The following CACNA1C variants were observed in gnomAD, a reference collection of about 807,000 sequenced individuals.
The protein encoded by CACNA1C is calcium voltage-gated channel subunit alpha1 C, also known as voltage-dependent L-type calcium channel subunit alpha-1C.
A neutral mutation model predicts 229.0 loss-of-function variants in CACNA1C; 30 were observed. The observed-to-expected ratio is 0.13, with a 90% CI of 0.10 to 0.18. The LOEUF (loss-of-function observed/expected upper bound fraction) is 0.18. Ranked by LOEUF, CACNA1C falls within the 10% of genes least tolerant of loss-of-function variation. The pLI is 1.00. For synonymous variants in CACNA1C, 1,114 were observed against 1,132.5 expected (o/e 0.98, Z 0.33); for missense variants, 1,658 against 2,845.0 (o/e 0.58, Z 9.49).
chr12:2,132,163 A>G (rs2092380606), intron 3 of CACNA1C, among the ~76,000 whole-genome samples: 1 of 144,542 alleles, frequency 6.9e-6, no homozygotes, highest in Admixed American at 7.0e-5. Flanking sequence ...TTGTATCCTG[A>G]GACTTTGCTG....
chr12:2,444,826 C>T (rs1163000632), intron 3 of CACNA1C, among the ~76,000 whole-genome samples: 3 of 152,164 alleles, frequency 2.0e-5, no homozygotes, highest in Non-Finnish European at 4.4e-5. Flanking sequence ...ACCTACATCT[C>T]ACCAATCCCA....
At chr12:2,220,983 A>T (rs1315140537) in intron 3 of CACNA1C, 2 of 152,250 alleles carry the variant, frequency 1.3e-5, no homozygotes, top group Non-Finnish European at 2.9e-5. Flanking sequence ...GTTTTGTGGT[A>T]ACATGACTGT....
At chr12:2,664,611 G>C (rs923086509) in intron 34 of CACNA1C, among the ~76,000 whole-genome samples, 1 of 152,176 alleles carries the variant, frequency 6.6e-6, no homozygotes, top group African/African-American at 2.4e-5. Context: ...TTCGGAAAAG[G>C]TGCAATTTGT....
chr12:2,580,880 T>C (rs960845317), intron 13 of CACNA1C, among the ~76,000 whole-genome samples: 1 of 152,230 alleles, frequency 6.6e-6, no homozygotes, highest in African/African-American at 2.4e-5. Flanking sequence ...ATCAGAATCC[T>C]GTAGGATGCT....
rs2154506068 is a variant in CACNA1C at position 2,054,690 on chromosome 12, C to T, written c.49+1079C>T. On this transcript the variant is annotated intron_variant, in intron 1 of 46. Transcript: ENST00000399655. This position sits in a 1 kb window ranked among gnomAD's most constrained non-coding sequence, Gnocchi z 5.5. ...GCTTTCTGGCAACCTCCAGGCATGACATCTCTTTCTTCTCGCCACTGCTCT... is the reference window on the plus strand; with the variant it reads ...GCTTTCTGGCAACCTCCAGGCATGATATCTCTTTCTTCTCGCCACTGCTCT... Among the ~76,000 whole-genome samples the T allele has an allele frequency of 6.6e-6, 1 of 152,312 alleles. No individual in the cohort carries two copies. Among genetic ancestry groups the T allele is most frequent in the South Asian group, 2.1e-4 (1 of 4,828 alleles).
At chr12:2,050,244 G>A (rs58799646), upstream of CACNA1C, among the ~76,000 whole-genome samples, 9 of 152,312 alleles carry the variant, frequency 5.9e-5, 1 homozygote, top group Middle Eastern at 0.024. Flanking sequence ...TAGAGACTGA[G>A]TTTGGTGTCA....
Position 2,593,265 on chromosome 12 carries a change from A to G in CACNA1C, c.2583A>G (p.Pro861=), listed in dbSNP as rs1310294864. 1 of 1,613,504 alleles carries G rather than the reference A, an allele frequency of 6.2e-7. No individual in the cohort carries two copies. The highest frequency in any genetic ancestry group is 1.7e-5 in the Admixed American group (1 of 59,962). Residue 861 remains proline (P), a synonymous_variant, in exon 19 of 47, where the codon CCA becomes CCG. Coordinates refer to ENST00000399655, the MANE Select transcript of CACNA1C (RefSeq NM_000719.7). ...PEMPVGPRPR[P]LSELHLKEKA... is the part of the protein sequence containing the mutation. The stretch of plus-strand genomic sequence containing the variant: ...TGCCTGTCGGCCCTCGCCCACGACC[A>G]CTCTCTGAGCTTCACCTTAAGGAAA...
At chr12:2,619,914 T>C (rs528257178) in intron 29 of CACNA1C, among the ~76,000 whole-genome samples, 14 of 152,242 alleles carry the variant, frequency 9.2e-5, no homozygotes, top group African/African-American at 3.4e-4. Context: ...TTGAGACTTG[T>C]AGCATCCCCA....
At chr12:2,236,294 A>T (rs965985292) in intron 3 of CACNA1C, among the ~76,000 whole-genome samples, 4 of 152,206 alleles carry the variant, frequency 2.6e-5, no homozygotes, top group Non-Finnish European at 5.9e-5. Context: ...AGGTAATGTC[A>T]GTGTGACTGA....
At chr12:2,140,500 G>A (rs1014531368) in intron 3 of CACNA1C, among the ~76,000 whole-genome samples, 1 of 151,366 alleles carries the variant, frequency 6.6e-6, no homozygotes, top group Non-Finnish European at 1.5e-5. Context: ...CCAGATGAGA[G>A]GCTAGGAGGC....
intron 3 of CACNA1C, among the ~76,000 whole-genome samples, chr12:2,157,450 G>A (rs1263321052): frequency 1.3e-5 from 2 of 152,224 alleles, no homozygotes; most frequent in African/African-American, 2.4e-5. Flanking sequence ...CAGCACGCCC[G>A]GGGCGAATAC....
intron 9 of CACNA1C, among the ~76,000 whole-genome samples, chr12:2,542,368 A>G (rs1034156190): frequency 1.3e-5 from 2 of 152,230 alleles, no homozygotes; most frequent in Non-Finnish European, 2.9e-5. Context: ...TCAGCAATAC[A>G]GGGAACTGTC....
At chr12:2,079,105 T>A (rs4765887) in intron 1 of CACNA1C, among the ~76,000 whole-genome samples, 108,347 of 140,078 alleles carry the variant, frequency 0.77, 41,674 homozygotes, top group Middle Eastern at 0.86. Context: ...CAAGAAGGGG[T>A]ACATCACACA....
At chr12:2,021,439 G>C (rs530508008) in intron 1 of CACNA1C, among the ~76,000 whole-genome samples, 2 of 152,246 alleles carry the variant, frequency 1.3e-5, no homozygotes, top group South Asian at 4.2e-4. Flanking sequence ...AGCACTTTGG[G>C]GGGCTGAGGT....
chr12:2,691,371 A>C lies in CACNA1C; in HGVS notation c.*172A>C. 3.0e-6 allele frequency: 2 copies of C among 669,560 alleles called. No homozygotes were observed. The highest frequency in any genetic ancestry group is 4.3e-6 in the Non-Finnish European group (2 of 463,874). 41.5% of individuals were successfully genotyped at this position (669,560 alleles called of 1,614,324 possible). On this transcript the variant is annotated 3_prime_UTR_variant, in exon 47 of 47. Transcript: ENST00000399655. Reference sequence around the variant, plus strand: ...GTGCGCGAGCCGCCCTCCGGGAGGAAGGCGCCCGGCTGCGTCTGCAGAGGC... The same window carrying C: ...GTGCGCGAGCCGCCCTCCGGGAGGACGGCGCCCGGCTGCGTCTGCAGAGGC...
intron 1 of CACNA1C, among the ~76,000 whole-genome samples, chr12:2,031,718 G>T (rs1237772881): frequency 6.6e-6 from 1 of 152,096 alleles, no homozygotes; most frequent in East Asian, 1.9e-4. Context: ...CAAATTCATG[G>T]TTGGATTTTA....
At chr12:2,194,835 C>G (rs1220450740) in intron 3 of CACNA1C, among the ~76,000 whole-genome samples, 1 of 152,176 alleles carries the variant, frequency 6.6e-6, no homozygotes, top group Non-Finnish European at 1.5e-5. Context: ...TTCCCCAGGA[C>G]TTACCCTGCA....
chr12:2,675,854 G>A (rs150704110), intron 39 of CACNA1C: 2 of 152,188 alleles, frequency 1.3e-5, no homozygotes, highest in African/African-American at 4.8e-5. Flanking sequence ...CTTAATGCTA[G>A]TGGCACCCCC....
At chr12:2,227,188 C>T (rs553584410) in intron 3 of CACNA1C, among the ~76,000 whole-genome samples, 2 of 152,318 alleles carry the variant, frequency 1.3e-5, no homozygotes, top group East Asian at 1.9e-4. Context: ...TCCAGCTCCT[C>T]GCCTTCCTCT....
Sources: gnomAD v4.1 joint callset for allele counts (sites outside exome capture counted in the v4.1 genomes callset) on GRCh38, gnomAD v4.1.1 for gene constraint, Gnocchi (gnomAD v3.1) non-coding constraint, MANE v1.5 for transcripts, NCBI Gene and HGNC (gene_info 2026-07-23, HGNC 2026-07-21) for gene names.